The following RASSF10 variants were observed in gnomAD, a reference collection of about 807,000 sequenced individuals.
The protein encoded by RASSF10 is ras association domain-containing protein 10.
Under a neutral mutation model 41.5 loss-of-function variants are expected in RASSF10, and 22 were observed. The ratio of observed to expected loss-of-function variants is 0.53; its 90% confidence interval spans 0.38 to 0.76. RASSF10 has a LOEUF of 0.76. Ranked by LOEUF, RASSF10 falls within the 30% of genes least tolerant of loss-of-function variation. The pLI, the probability that RASSF10 is intolerant of heterozygous loss-of-function variation, is 0.00. For missense variants in RASSF10, 776 were observed against 711.8 expected (o/e 1.09, Z -1.03); for synonymous variants, 364 against 319.0 (o/e 1.14, Z -1.50).
chr11:13,010,996 C>T lies in RASSF10; in HGVS notation c.1420C>T (p.Leu474=), dbSNP rs1287775458. 1 of 1,613,454 alleles carries T rather than the reference C, an allele frequency of 6.2e-7. No homozygotes were observed. Among genetic ancestry groups the T allele is most frequent in the African/African-American group, 1.3e-5 (1 of 74,828 alleles). The change falls in exon 1 of 1, where the codon CTG becomes TTG. Residue 474 remains leucine (L), a synonymous_variant. Coordinates refer to ENST00000529419, the MANE Select transcript of RASSF10 (RefSeq NM_001080521.3). This position sits in a 1 kb window ranked among gnomAD's most constrained non-coding sequence, Gnocchi z 4.8. ...ADMWVDQARG[L]AKSGPGNDED... ...CATGTGGGTGGACCAGGCCCGTGGA[C>T]TGGCCAAGAGCGGTCCTGGCAACGA...
In RASSF10 at chr11:13,010,401, CACTT is replaced by C. The variant is rs1554957234; in HGVS notation, c.830_833del (p.Tyr277TrpfsTer33). 3 of 1,549,802 alleles carry C rather than the reference CACTT, an allele frequency of 1.9e-6. No individual in the cohort carries two copies. Among genetic ancestry groups the C allele is most frequent in the Non-Finnish European group, 2.6e-6 (3 of 1,145,916 alleles). ...GTCACGGGGTCAACTACGTGCAGGACACTTACTTGGTTGGGGCAGGCATCGAGCT... is the reference window on the plus strand; with the variant it reads ...GTCACGGGGTCAACTACGTGCAGGACACTTGGTTGGGGCAGGCATCGAGCT... On this transcript the variant is annotated frameshift_variant, in exon 1 of 1. Coordinates refer to ENST00000529419, the MANE Select transcript of RASSF10 (RefSeq NM_001080521.3). LOFTEE classifies it high-confidence loss of function. The surrounding 1 kb of genome is among the most constrained non-coding windows in gnomAD (Gnocchi z 4.8).
In RASSF10 at chr11:13,010,082, C is replaced by T. The variant is rs963785588; in HGVS notation, c.506C>T (p.Thr169Ile). ...CCGGCGCGGCCCAGCCTGGCCATGACCCAGGAGAAACAGCGGCGAGTGGTG... is the reference window on the plus strand; with the variant it reads ...CCGGCGCGGCCCAGCCTGGCCATGATCCAGGAGAAACAGCGGCGAGTGGTG... ...GAPARPSLAM[T>I]QEKQRRVVRK... The change falls in exon 1 of 1, where the codon ACC becomes ATC. Residue 169 changes from threonine (T) to isoleucine (I), a missense_variant. Thr to Ile is a moderately conservative substitution (Grantham distance 89). Coordinates refer to ENST00000529419, the MANE Select transcript of RASSF10 (RefSeq NM_001080521.3). The surrounding 1 kb of genome is among the most constrained non-coding windows in gnomAD (Gnocchi z 4.8). 1 of 1,550,288 alleles carries T rather than the reference C, an allele frequency of 6.5e-7. No individual in the cohort carries two copies. Among genetic ancestry groups the T allele is most frequent in the South Asian group, 1.2e-5 (1 of 84,028 alleles).
chr11:13,010,318 G>T lies in RASSF10; in HGVS notation c.742G>T (p.Glu248Ter). ...TIRQQVQRLHELDREIDHYEA... is the reference protein window; with the variant it reads ...TIRQQVQRLH ...TCGCCAGCAGGTGCAGCGGCTCCAC[G>T]AGCTGGACCGCGAGATCGATCACTA... Residue 248 changes from glutamate (E) to a stop codon, truncating the protein, a stop_gained, in exon 1 of 1, where the codon GAG (glutamate) becomes TAG (stop). Transcript: ENST00000529419. LOFTEE classifies it high-confidence loss of function. This position sits in a 1 kb window ranked among gnomAD's most constrained non-coding sequence, Gnocchi z 4.8. The T allele has an allele frequency of 6.4e-7, 1 of 1,551,720 alleles. No individual in the cohort carries two copies. The highest frequency in any genetic ancestry group is 1.2e-5 in the South Asian group (1 of 84,100).
Position 13,010,637 on chromosome 11 carries a change from T to G in RASSF10, c.1061T>G (p.Leu354Arg). The G allele has an allele frequency of 6.3e-7, 1 of 1,591,718 alleles. No homozygotes were observed. The highest frequency in any genetic ancestry group is 8.5e-7 in the Non-Finnish European group (1 of 1,169,956). The change falls in exon 1 of 1, where the codon CTC (leucine) becomes CGC (arginine). Residue 354 changes from leucine (L) to arginine (R), a missense_variant. Coordinates refer to ENST00000529419, the MANE Select transcript of RASSF10 (RefSeq NM_001080521.3). This position sits in a 1 kb window ranked among gnomAD's most constrained non-coding sequence, Gnocchi z 4.8. ...ERLSAEIQEE[L>R]NQRWMRRRQE... is the part of the protein sequence containing the mutation. The stretch of plus-strand genomic sequence containing the variant: ...CTTTCAGCCGAGATTCAGGAGGAAC[T>G]CAACCAGAGGTGGATGCGACGGCGC...
rs1949564628 is a variant in RASSF10 at position 13,010,120 on chromosome 11, C to T, written c.544C>T (p.Arg182Cys). Residue 182 changes from arginine (R) to cysteine (C), a missense_variant, in exon 1 of 1, where the codon CGC becomes TGC. Arg to Cys is a radical substitution (Grantham distance 180, BLOSUM62 -3). Transcript: ENST00000529419. The surrounding 1 kb of genome is among the most constrained non-coding windows in gnomAD (Gnocchi z 4.8). ...GCGGCGAGTGGTGCGCAAGGCCTTT[C>T]GCAAACTGGCCAAGCTCAACCGGCG... is the stretch of plus-strand genomic sequence containing the variant. ...KQRRVVRKAF[R>C]KLAKLNRRRQ... 6.4e-7 allele frequency: 1 copy of T among 1,554,792 alleles called. No individual in the cohort carries two copies. Among genetic ancestry groups the T allele is most frequent in the Non-Finnish European group, 8.7e-7 (1 of 1,149,504 alleles).
At position 13,009,426 on chromosome 11, in the gene RASSF10, C is replaced by G. The variant is rs1199459171; in HGVS notation, c.-151C>G. The G allele has an allele frequency of 6.8e-7, 1 of 1,479,354 alleles. No homozygotes were observed. Among genetic ancestry groups the G allele is most frequent in the Non-Finnish European group, 9.0e-7 (1 of 1,111,248 alleles). 91.6% of individuals were successfully genotyped at this position (1,479,354 alleles called of 1,614,324 possible). On this transcript the variant is annotated 5_prime_UTR_variant, in exon 1 of 1. Coordinates refer to ENST00000529419, the MANE Select transcript of RASSF10 (RefSeq NM_001080521.3). Reference sequence around the variant, plus strand: ...ACAGCCGCAGTCGCTTTCCAGCCTGCCTTCGGTGCGCAGCGGGGGAACAGG... The same window carrying G: ...ACAGCCGCAGTCGCTTTCCAGCCTGGCTTCGGTGCGCAGCGGGGGAACAGG...
chr11:13,009,387 C>A lies in RASSF10; in HGVS notation c.-190C>A. ...CGCCCGTCGTCCGGGCAGAGCGCAGCCGCAACCGCGACCACAGCCGCAGTC... is the reference window on the plus strand; with the variant it reads ...CGCCCGTCGTCCGGGCAGAGCGCAGACGCAACCGCGACCACAGCCGCAGTC... On this transcript the variant is annotated 5_prime_UTR_variant, in exon 1 of 1. Coordinates refer to ENST00000529419, the MANE Select transcript of RASSF10 (RefSeq NM_001080521.3). The A allele has an allele frequency of 7.4e-7, 1 of 1,351,508 alleles. No homozygotes were observed. The highest frequency in any genetic ancestry group is 1.0e-6 in the Non-Finnish European group (1 of 990,668). The allele number at this position is 1,351,508 out of a possible 1,614,324, so 83.7% of individuals were successfully genotyped here.
Position 13,010,224 on chromosome 11 carries a change from C to T in RASSF10, c.648C>T (p.Thr216=), listed in dbSNP as rs1346957817. 1 of 1,590,606 alleles carries T rather than the reference C, an allele frequency of 6.3e-7. No homozygotes were observed. Among genetic ancestry groups the T allele is most frequent in the East Asian group, 2.3e-5 (1 of 43,214 alleles). Residue 216 remains threonine (T), a synonymous_variant, in exon 1 of 1, where the codon ACC becomes ACT. Transcript: ENST00000529419. The surrounding 1 kb of genome is among the most constrained non-coding windows in gnomAD (Gnocchi z 4.8). Reference sequence around the variant, plus strand: ...CGTCCTGCTCTTCGTCGCCGCGGACCCACGAGAGCGCGTCGGTGGAGCGCA... The same window carrying T: ...CGTCCTGCTCTTCGTCGCCGCGGACTCACGAGAGCGCGTCGGTGGAGCGCA... ...TASSCSSSPR[T]HESASVERME...
In RASSF10 at chr11:13,010,578, G is replaced by T; in HGVS notation, c.1002G>T (p.Glu334Asp). Residue 334 changes from glutamate to aspartate, a missense_variant, in exon 1 of 1, where the codon GAG (glutamate) becomes GAT (aspartate). Glu to Asp is a conservative substitution (Grantham distance 45). Transcript: ENST00000529419. The surrounding 1 kb of genome is among the most constrained non-coding windows in gnomAD (Gnocchi z 4.8). ...GCGACGACTTGCTGCGGCTTCAGGA[G>T]CAACGGGTTCAGCAGGAGGAGTTGC... is the stretch of plus-strand genomic sequence containing the variant. ...RRCDDLLRLQ[E>D]QRVQQEELLE... The T allele has an allele frequency of 1.3e-6, 2 of 1,563,984 alleles. No homozygotes were observed. The highest frequency in any genetic ancestry group is 2.4e-5 in the East Asian group (1 of 42,096).
chr11:13,011,445 G>C lies in RASSF10; in HGVS notation c.*345G>C, dbSNP rs953498195. The C allele has an allele frequency of 1.4e-5, 3 of 210,464 alleles. No individual in the cohort carries two copies. The highest frequency in any genetic ancestry group is 6.8e-5 in the African/African-American group (3 of 44,318). The allele number at this position is 210,464 out of a possible 1,614,324, so 13.0% of individuals were successfully genotyped here. ...ATAATGGAGATTTCGCTACTCTTCT[G>C]TATGGGAAGGACTGATGGCAGCTAG... is the stretch of plus-strand genomic sequence containing the variant. On this transcript the variant is annotated 3_prime_UTR_variant, in exon 1 of 1. Coordinates refer to ENST00000529419, the MANE Select transcript of RASSF10 (RefSeq NM_001080521.3).
Position 13,009,405 on chromosome 11 carries a change from C to A in RASSF10, c.-172C>A. 1 of 1,432,274 alleles carries A rather than the reference C, an allele frequency of 7.0e-7. No homozygotes were observed. Among genetic ancestry groups the A allele is most frequent in the Non-Finnish European group, 9.4e-7 (1 of 1,067,334 alleles). The allele number at this position is 1,432,274 out of a possible 1,614,324, so 88.7% of individuals were successfully genotyped here. ...AGCGCAGCCGCAACCGCGACCACAG[C>A]CGCAGTCGCTTTCCAGCCTGCCTTC... On this transcript the variant is annotated 5_prime_UTR_variant, in exon 1 of 1. Coordinates refer to ENST00000529419, the MANE Select transcript of RASSF10 (RefSeq NM_001080521.3).
chr11:13,010,645 A>T lies in RASSF10; in HGVS notation c.1069A>T (p.Arg357Trp), dbSNP rs747399982. ...SAEIQEELNQ[R>W]WMRRRQEELA... ...CGAGATTCAGGAGGAACTCAACCAG[A>T]GGTGGATGCGACGGCGCCAGGAGGA... Residue 357 changes from arginine (R) to tryptophan (W), a missense_variant, in exon 1 of 1, where the codon AGG becomes TGG. By Grantham distance (101) the Arg-to-Trp change is moderately radical. Transcript: ENST00000529419. The surrounding 1 kb of genome is among the most constrained non-coding windows in gnomAD (Gnocchi z 4.8). The T allele has an allele frequency of 6.3e-7, 1 of 1,592,420 alleles. No individual in the cohort carries two copies. Among genetic ancestry groups the T allele is most frequent in the Non-Finnish European group, 8.5e-7 (1 of 1,170,370 alleles).
rs779277252 is a variant in RASSF10 at position 13,010,974 on chromosome 11, G to T, written c.1398G>T (p.Met466Ile). The T allele has an allele frequency of 4.3e-6, 7 of 1,613,630 alleles. No individual in the cohort carries two copies. In the Admixed American group the frequency reaches 1.2e-4, roughly 27 times the overall value. The change falls in exon 1 of 1, where the codon ATG becomes ATT. Residue 466 changes from methionine to isoleucine, a missense_variant. Transcript: ENST00000529419. The surrounding 1 kb of genome is among the most constrained non-coding windows in gnomAD (Gnocchi z 4.8). ...REPGPQACAD[M>I]WVDQARGLAK... ...CTGGGCCTCAAGCCTGCGCCGACAT[G>T]TGGGTGGACCAGGCCCGTGGACTGG...
chr11:13,011,020 G>C lies in RASSF10; in HGVS notation c.1444G>C (p.Asp482His), dbSNP rs1949575711. 3 of 1,612,202 alleles carry C rather than the reference G, an allele frequency of 1.9e-6. No individual in the cohort carries two copies. The highest frequency in any genetic ancestry group is 1.3e-5 in the African/African-American group (1 of 74,432). Residue 482 changes from aspartate (D) to histidine (H), a missense_variant, in exon 1 of 1, where the codon GAC (aspartate) becomes CAC (histidine). Transcript: ENST00000529419. ...RGLAKSGPGNDEDSDTGLSSM... is the reference protein window; with the variant it reads ...RGLAKSGPGNHEDSDTGLSSM... ...ACTGGCCAAGAGCGGTCCTGGCAACGACGAAGACTCGGATACGGGACTGAG... is the reference window on the plus strand; with the variant it reads ...ACTGGCCAAGAGCGGTCCTGGCAACCACGAAGACTCGGATACGGGACTGAG...
rs1210334070 is a variant in RASSF10, at chr11:13,009,992, G to C, written c.416G>C (p.Gly139Ala). 6.5e-7 allele frequency: 1 copy of C among 1,545,274 alleles called. No homozygotes were observed. The highest frequency in any genetic ancestry group is 8.7e-7 in the Non-Finnish European group (1 of 1,143,630). The change falls in exon 1 of 1, where the codon GGC becomes GCC. Residue 139 changes from glycine to alanine, a missense_variant. Transcript: ENST00000529419. ...AGCGAGGCATCGCTGCCTAACGCCG[G>C]CCCCCGCAGCGCCGAGGCGCGCGTA... Reference protein sequence around the residue: ...VRSEASLPNAGPRSAEARVVL... With the variant: ...VRSEASLPNAAPRSAEARVVL...
rs1466228093 is a variant in RASSF10 at position 13,010,175 on chromosome 11, C to T, written c.599C>T (p.Ser200Leu). 6.3e-7 allele frequency: 1 copy of T among 1,590,598 alleles called. No homozygotes were observed. The highest frequency in any genetic ancestry group is 8.5e-7 in the Non-Finnish European group (1 of 1,170,116). ...CAGCAGCAGACACCGTCGTCCTGTT[C>T]GTCCACTTCGTCGTCCACTGCCTCG... The part of the protein sequence containing the change: ...RRQQQTPSSC[S>L]STSSSTASSC... The change falls in exon 1 of 1, where the codon TCG becomes TTG. Residue 200 changes from serine (S) to leucine (L), a missense_variant. Transcript: ENST00000529419. This position sits in a 1 kb window ranked among gnomAD's most constrained non-coding sequence, Gnocchi z 4.8.
chr11:13,010,533 G>T lies in RASSF10; in HGVS notation c.957G>T (p.Leu319=), dbSNP rs769180019. ...CCGGCGAGGCGCAGGCGGCGGCGCT[G>T]GAGGAGCTGGCCCGGCGCTGCGACG... The part of the protein sequence containing the change: ...PLAGEAQAAA[L]EELARRCDDL... Residue 319 remains leucine, a synonymous_variant, in exon 1 of 1, where the codon CTG becomes CTT. Transcript: ENST00000529419. The surrounding 1 kb of genome is among the most constrained non-coding windows in gnomAD (Gnocchi z 4.8). 2.6e-6 allele frequency: 4 copies of T among 1,527,994 alleles called. No homozygotes were observed. Among genetic ancestry groups the T allele is most frequent in the Non-Finnish European group, 3.5e-6 (4 of 1,136,400 alleles). The allele number at this position is 1,527,994 out of a possible 1,614,324, so 94.7% of individuals were successfully genotyped here.
At position 13,011,195 on chromosome 11, in the gene RASSF10, T is replaced by G; in HGVS notation, c.*95T>G. 1 of 1,045,860 alleles carries G rather than the reference T, an allele frequency of 9.6e-7. No homozygotes were observed. The highest frequency in any genetic ancestry group is 1.4e-6 in the Non-Finnish European group (1 of 737,762). The allele number at this position is 1,045,860 out of a possible 1,614,324, so 64.8% of individuals were successfully genotyped here. A position where few individuals can be genotyped will look rare whatever the true frequency, so the allele number is the denominator to read the frequency against. Reference sequence around the variant, plus strand: ...CCGGCTCGCGGACTTGAAACCAGGCTGTTGCGAGCCCAGAGCTCCGGCTGG... The same window carrying G: ...CCGGCTCGCGGACTTGAAACCAGGCGGTTGCGAGCCCAGAGCTCCGGCTGG... On this transcript the variant is annotated 3_prime_UTR_variant, in exon 1 of 1. Transcript: ENST00000529419.
Position 13,009,730 on chromosome 11 carries a change from C to A in RASSF10, c.154C>A (p.Leu52Met). ...RRRRQRRSRRLGSAGDPHGPG... is the reference protein window; with the variant it reads ...RRRRQRRSRRMGSAGDPHGPG... ...ACGGAGACAGCGGCGGAGCCGGCGG[C>A]TGGGGTCGGCCGGCGACCCGCATGG... Residue 52 changes from leucine (L) to methionine (M), a missense_variant, in exon 1 of 1, where the codon CTG (leucine) becomes ATG (methionine). By Grantham distance (15) the Leu-to-Met change is conservative. Coordinates refer to ENST00000529419, the MANE Select transcript of RASSF10 (RefSeq NM_001080521.3). 1 of 1,579,584 alleles carries A rather than the reference C, an allele frequency of 6.3e-7. No homozygotes were observed. Among genetic ancestry groups the A allele is most frequent in the Non-Finnish European group, 8.6e-7 (1 of 1,164,036 alleles).
Sources: gnomAD v4.1 joint callset for allele counts on GRCh38, gnomAD v4.1.1 for gene constraint, Gnocchi (gnomAD v3.1) non-coding constraint, MANE v1.5 for transcripts, NCBI Gene and HGNC (gene_info 2026-07-23, HGNC 2026-07-21) for gene names.